Variants in MACROD2 observed in about 807,000 individuals in gnomAD.
MACROD2 encodes the protein ADP-ribose glycohydrolase MACROD2.
MACROD2 carries 36 observed loss-of-function variants against 70.4 expected under a neutral mutation model. The ratio of observed to expected loss-of-function variants is 0.51; its 90% CI spans 0.39 to 0.68. MACROD2 has a LOEUF of 0.68. MACROD2 is among the 30% of genes least tolerant of loss of function. MACROD2 has a pLI of 0.00. For synonymous variants in MACROD2, 172 were observed against 178.8 expected, an observed-to-expected ratio of 0.96 and a Z score of 0.30; for missense variants, 496 against 538.4, an observed-to-expected ratio of 0.92 and a Z score of 0.78.
At chr20:14,432,378 T>C (rs2084004003) in intron 3 of MACROD2, among the ~76,000 whole-genome samples, 1 of 152,022 alleles carries the variant, frequency 6.6e-6, no homozygotes, top group Non-Finnish European at 1.5e-5. Flanking sequence ...ATGTATTCAT[T>C]AGTCTGTCTG....
chr20:14,196,392 A>G (rs1205186145), intron 3 of MACROD2, among the ~76,000 whole-genome samples: 1 of 152,198 alleles, frequency 6.6e-6, no homozygotes, highest in East Asian at 1.9e-4. Context: ...CATTTGAGGG[A>G]CTGAGGCAGT....
intron 7 of MACROD2, among the ~76,000 whole-genome samples, chr20:15,442,756 A>T (rs1167384357): frequency 6.6e-6 from 1 of 150,522 alleles, no homozygotes; most frequent in Non-Finnish European, 1.5e-5. Flanking sequence ...AAAGAAAAAC[A>T]AATTAAATCA....
chr20:15,478,563 G>A (rs2047053519), intron 7 of MACROD2, among the ~76,000 whole-genome samples: 1 of 152,056 alleles, frequency 6.6e-6, no homozygotes, highest in Non-Finnish European at 1.5e-5. Flanking sequence ...CTGTGTGTGT[G>A]TGTGTGTGTG....
At chr20:15,888,797 G>A (rs137859548) in intron 10 of MACROD2, among the ~76,000 whole-genome samples, 107 of 152,196 alleles carry the variant, frequency 7.0e-4, no homozygotes, top group South Asian at 3.3e-3. Context: ...CTGAAATCAT[G>A]GAGGATTTTT....
intron 4 of MACROD2, among the ~76,000 whole-genome samples, chr20:14,495,632 T>C (rs1466699004): frequency 5.3e-5 from 8 of 152,160 alleles, no homozygotes; most frequent in Admixed American, 4.6e-4. Context: ...TCTTTAAATA[T>C]ATGTATGTAT....
intron 8 of MACROD2, among the ~76,000 whole-genome samples, chr20:15,770,712 A>G (rs981807566): frequency 1.3e-5 from 2 of 152,082 alleles, no homozygotes; most frequent in Non-Finnish European, 2.9e-5. Flanking sequence ...GACCTGCCTT[A>G]GGCTGTAGGT....
At chr20:14,182,536 A>G (rs983298870) in intron 3 of MACROD2, among the ~76,000 whole-genome samples, 1 of 152,118 alleles carries the variant, frequency 6.6e-6, no homozygotes, top group Non-Finnish European at 1.5e-5. Flanking sequence ...TGTTGTATAT[A>G]AGAAACTATT....
At chr20:15,498,292 C>T (rs1236707956) in intron 7 of MACROD2, among the ~76,000 whole-genome samples, 2 of 152,100 alleles carry the variant, frequency 1.3e-5, no homozygotes, top group African/African-American at 4.8e-5. Flanking sequence ...TTTCTGAAGA[C>T]GTACTGAGAT....
intron 5 of MACROD2, among the ~76,000 whole-genome samples, chr20:15,001,537 A>G (rs2074995481): frequency 6.6e-6 from 1 of 152,036 alleles, no homozygotes; most frequent in Admixed American, 6.6e-5. Context: ...TATTATTATT[A>G]TTATTTTGTC....
intron 3 of MACROD2, among the ~76,000 whole-genome samples, chr20:14,107,698 T>C (rs892829435): frequency 5.3e-5 from 8 of 151,968 alleles, no homozygotes; most frequent in Admixed American, 4.6e-4. Flanking sequence ...CCTCTTTCAG[T>C]GGAAACCCTG....
intron 5 of MACROD2, among the ~76,000 whole-genome samples, chr20:15,042,245 G>GA (rs544130061): frequency 1.4e-4 from 22 of 151,742 alleles, no homozygotes; most frequent in South Asian, 6.3e-4. Context: ...GAAAATGCAG[G>GA]AAAAAAAAGG....
chr20:14,800,800 T>C (rs2072565959), intron 5 of MACROD2, among the ~76,000 whole-genome samples: 1 of 152,116 alleles, frequency 6.6e-6, no homozygotes, highest in African/African-American at 2.4e-5. Context: ...AGAATTGTCT[T>C]GAATTGAAAA....
At chr20:14,738,810 T>G (rs1386866953) in intron 5 of MACROD2, among the ~76,000 whole-genome samples, 7 of 151,712 alleles carry the variant, frequency 4.6e-5, no homozygotes, top group Non-Finnish European at 1.0e-4. Flanking sequence ...ATAAAAAAAT[T>G]CACAAGTATC....
intron 5 of MACROD2, among the ~76,000 whole-genome samples, chr20:14,728,000 A>G (rs920679953): frequency 6.6e-6 from 1 of 152,186 alleles, no homozygotes; most frequent in Non-Finnish European, 1.5e-5. Flanking sequence ...TGGCCCCAGA[A>G]TTCTGTTTCC....
chr20:15,493,395 G>A (rs903830195), intron 7 of MACROD2, among the ~76,000 whole-genome samples: 1 of 152,138 alleles, frequency 6.6e-6, no homozygotes, highest in Non-Finnish European at 1.5e-5. Flanking sequence ...TCCTTGAAAT[G>A]ATTGATTTAA....
At chr20:14,435,418 A>G (rs1370677574) in intron 3 of MACROD2, among the ~76,000 whole-genome samples, 3 of 152,194 alleles carry the variant, frequency 2.0e-5, no homozygotes, top group Admixed American at 6.5e-5. Flanking sequence ...ATATGGACAT[A>G]TCTTTTGTGG....
chr20:15,323,828 C>T (rs1269898244), intron 6 of MACROD2, among the ~76,000 whole-genome samples: 1 of 152,154 alleles, frequency 6.6e-6, no homozygotes, highest in Non-Finnish European at 1.5e-5. Flanking sequence ...AATGCCATCA[C>T]ACTCCCTCCT....
intron 6 of MACROD2, among the ~76,000 whole-genome samples, chr20:15,397,556 C>T (rs920841709): frequency 9.9e-5 from 15 of 152,150 alleles, no homozygotes; most frequent in African/African-American, 3.6e-4. Context: ...TGCTTGGCCT[C>T]TCAAAGTTGG....
chr20:15,216,137 G>A (rs1367870865), intron 5 of MACROD2, among the ~76,000 whole-genome samples: 1 of 151,932 alleles, frequency 6.6e-6, no homozygotes, highest in Non-Finnish European at 1.5e-5. Context: ...TTTGATAATA[G>A]TACAAAGGAA....
Sources: allele counts gnomAD v4.1 joint callset (sites outside exome capture counted in the v4.1 genomes callset), GRCh38; gene constraint gnomAD v4.1.1; transcripts MANE v1.5; gene names NCBI Gene and HGNC (gene_info 2026-07-23, HGNC 2026-07-21).